Variants in INPP5B observed in about 807,000 individuals in gnomAD.
The protein encoded by INPP5B is type II inositol 1,4,5-trisphosphate 5-phosphatase.
A neutral mutation model predicts 118.5 loss-of-function variants in INPP5B; 90 were observed. The ratio of observed to expected loss-of-function variants is 0.76; its 90% CI spans 0.64 to 0.90. INPP5B has a LOEUF of 0.90. Among genes scored for constraint, INPP5B ranks in the 40% least tolerant of loss-of-function variants. The pLI is 0.00. For synonymous variants in INPP5B, 385 were observed against 418.9 expected, an observed-to-expected ratio of 0.92 and a Z score of 0.99; for missense variants, 984 against 1,125.6, an observed-to-expected ratio of 0.87 and a Z score of 1.80.
intron 5 of INPP5B, among the ~76,000 whole-genome samples, chr1:37,942,894 G>A (rs1004237595): frequency 7.0e-6 from 1 of 143,116 alleles, no homozygotes; most frequent in Non-Finnish European, 1.5e-5. Flanking sequence ...GGGTGACAGA[G>A]TGAGATTCTG....
chr1:37,908,464 G>A (rs577092235), intron 7 of INPP5B, among the ~76,000 whole-genome samples: 66 of 152,190 alleles, frequency 4.3e-4, no homozygotes, highest in African/African-American at 1.4e-3. Flanking sequence ...GGCCAGGTGC[G>A]GTGGCTCACG....
chr1:37,890,415 C>T (rs1643777257), intron 8 of INPP5B, among the ~76,000 whole-genome samples: 1 of 151,562 alleles, frequency 6.6e-6, no homozygotes, highest in Admixed American at 6.6e-5. Context: ...CTATTCTGTA[C>T]ATCTATTCCA....
intron 7 of INPP5B, among the ~76,000 whole-genome samples, chr1:37,910,137 C>G: frequency 6.6e-6 from 1 of 152,182 alleles, no homozygotes; most frequent in East Asian, 1.9e-4. Flanking sequence ...TGACACTGCC[C>G]GATCGCCTCG....
chr1:37,925,285 A>C (rs1645187655), intron 7 of INPP5B, among the ~76,000 whole-genome samples: 1 of 152,190 alleles, frequency 6.6e-6, no homozygotes, highest in Admixed American at 6.5e-5. Flanking sequence ...GCCTCTTGAC[A>C]TCCACTTTGT....
intron 22 of INPP5B, among the ~76,000 whole-genome samples, chr1:37,865,395 A>G (rs1641966860): frequency 6.6e-6 from 1 of 152,244 alleles, no homozygotes. Flanking sequence ...ATAGCTTTAG[A>G]ATACACAATC....
intron 7 of INPP5B, among the ~76,000 whole-genome samples, chr1:37,893,085 CTTTTTTTTT>C (rs71053999): frequency 1.2e-5 from 1 of 81,434 alleles, no homozygotes; most frequent in Non-Finnish European, 2.2e-5. Context: ...TTTTCTTTTT[CTTTTTTTTT>C]TTTTTTTTTT....
Position 37,862,306 on chromosome 1 carries a change from G to C in INPP5B, c.*9C>G. ...GGCAGCCTCAAGTAAAATAGGAGGA[G>C]AGAGAGGCTCAGAGTGGGTTGCAGA... On this transcript the variant is annotated 3_prime_UTR_variant, in exon 24 of 24. Coordinates refer to ENST00000373024, the MANE Select transcript of INPP5B (RefSeq NM_005540.3). 1 of 1,571,446 alleles carries C rather than the reference G, an allele frequency of 6.4e-7. No homozygotes were observed. The highest frequency in any genetic ancestry group is 1.7e-5 in the Admixed American group (1 of 59,908).
chr1:37,923,000 G>C (rs1645108319), intron 7 of INPP5B, among the ~76,000 whole-genome samples: 2 of 152,172 alleles, frequency 1.3e-5, no homozygotes, highest in South Asian at 4.1e-4. Context: ...TGGTGATAAA[G>C]CTAAAAGAGA....
chr1:37,882,129 A>C (rs1643241359), intron 14 of INPP5B, among the ~76,000 whole-genome samples: 1 of 152,094 alleles, frequency 6.6e-6, no homozygotes, highest in Non-Finnish European at 1.5e-5. Flanking sequence ...AGAAAGATTT[A>C]GACTAATGAC....
intron 7 of INPP5B, among the ~76,000 whole-genome samples, chr1:37,901,874 T>C (rs1644345200): frequency 6.6e-6 from 1 of 152,170 alleles, no homozygotes; most frequent in Non-Finnish European, 1.5e-5. Context: ...ACTCCCACTC[T>C]GCCCTTTTTT....
chr1:37,887,202 G>C, intron 11 of INPP5B, 149 bp downstream of exon 11: 1 of 719,812 alleles, frequency 1.4e-6, no homozygotes, highest in Non-Finnish European at 2.4e-6. Context: ...TTTCCCACCC[G>C]GAGGCACCCC....
chr1:37,941,958 A>AAAAAAATATATATATATATATATATAT, intron 5 of INPP5B: 1 of 30,378 alleles, frequency 3.3e-5, no homozygotes, highest in Non-Finnish European at 6.6e-5. Context: ...AAAAAAAAAA[A>AAAAAAATATATATATATATATATATAT]ATATATATAT....
intron 3 of INPP5B, among the ~76,000 whole-genome samples, chr1:37,944,370 G>A (rs955595357): frequency 6.6e-6 from 1 of 151,938 alleles, no homozygotes; most frequent in Admixed American, 6.6e-5. Flanking sequence ...TGGTATGTGG[G>A]TGTTACTAGA....
rs1364923412 is a variant in INPP5B, at chr1:37,943,659, A to G, written c.261T>C (p.Asp87=). 3 of 1,614,068 alleles carry G rather than the reference A, an allele frequency of 1.9e-6. No individual in the cohort carries two copies. The highest frequency in any genetic ancestry group is 2.2e-5 in the East Asian group (1 of 44,862). Residue 87 remains aspartate (D), a synonymous_variant, in exon 5 of 24, where the codon GAT becomes GAC. Transcript: ENST00000373024. ...ACTCACCAAGGATGTAGAGTTCACC[A>G]TCTGGGGACACTGTGGGGAGGGAAA... ...RDFTLEEVSP[D]GELYILGSDV...
chr1:37,880,427 A>T (rs549654907), intron 14 of INPP5B, among the ~76,000 whole-genome samples: 3 of 126,148 alleles, frequency 2.4e-5, no homozygotes. Context: ...TTAATGTTTT[A>T]TTTATTTATT....
chr1:37,914,278 A>G (rs192967117), intron 7 of INPP5B, among the ~76,000 whole-genome samples: 1 of 152,298 alleles, frequency 6.6e-6, no homozygotes, highest in African/African-American at 2.4e-5. Context: ...ATTCTTTATT[A>G]CTTTACTTTC....
At chr1:37,900,171 T>A (rs1644277955) in intron 7 of INPP5B, among the ~76,000 whole-genome samples, 1 of 146,312 alleles carries the variant, frequency 6.8e-6, no homozygotes, top group African/African-American at 2.6e-5. Flanking sequence ...AGCCTCTGCC[T>A]CCTGGGTTCA....
At chr1:37,931,265 C>A in intron 7 of INPP5B, 1 of 421,638 alleles carries the variant, frequency 2.4e-6, no homozygotes, top group Admixed American at 3.7e-5. Context: ...TACCATACCT[C>A]ACCCAAAGGA....
intron 16 of INPP5B, 106 bp downstream of exon 16, chr1:37,878,082 T>C (rs1457378334): frequency 1.5e-6 from 2 of 1,331,166 alleles, no homozygotes; most frequent in Admixed American, 2.2e-5. Context: ...AAGGGGCTTC[T>C]TCCCTCTCAA....
Sources: gnomAD v4.1 joint callset for allele counts (sites outside exome capture counted in the v4.1 genomes callset) on GRCh38, gnomAD v4.1.1 for gene constraint, MANE v1.5 for transcripts, NCBI Gene and HGNC (gene_info 2026-07-23, HGNC 2026-07-21) for gene names.